ZPBP: variants seen among roughly 807,000 people sequenced by gnomAD.
ZPBP encodes zona pellucida-binding protein 1.
In ZPBP, 26 loss-of-function variants were observed where a neutral mutation model predicts 44.8. The observed-to-expected ratio is 0.58, with a 90% confidence interval of 0.43 to 0.81. ZPBP has a LOEUF of 0.81. Ranked by LOEUF, ZPBP falls within the 30% of genes least tolerant of loss-of-function variation. The pLI, the probability that ZPBP is intolerant of heterozygous loss-of-function variation, is 0.00. For synonymous variants in ZPBP, 174 were observed against 153.2 expected, an observed-to-expected ratio of 1.14 and a Z score of -1.00; for missense variants, 409 against 434.0, an observed-to-expected ratio of 0.94 and a Z score of 0.51.
At chr7:50,022,698 A>G (rs1304160751) in intron 5 of ZPBP, among the ~76,000 whole-genome samples, 1 of 152,044 alleles carries the variant, frequency 6.6e-6, no homozygotes, top group African/African-American at 2.4e-5. Context: ...AAAATCCGCA[A>G]CTTTTCTTAG....
At chr7:50,033,610 T>C (rs1799696122) in intron 4 of ZPBP, among the ~76,000 whole-genome samples, 1 of 152,172 alleles carries the variant, frequency 6.6e-6, no homozygotes, top group Non-Finnish European at 1.5e-5. Context: ...GTCTTTTCCT[T>C]ATGACAAGTT....
At chr7:49,991,963 G>A (rs1412271718) in intron 6 of ZPBP, among the ~76,000 whole-genome samples, 1 of 151,788 alleles carries the variant, frequency 6.6e-6, no homozygotes, top group Non-Finnish European at 1.5e-5. Flanking sequence ...AAGGAAGGGA[G>A]AGAAAGAAGG....
chr7:50,076,574 A>T (rs562557303), intron 3 of ZPBP, among the ~76,000 whole-genome samples: 5 of 151,866 alleles, frequency 3.3e-5, no homozygotes, highest in Non-Finnish European at 7.4e-5. Context: ...CAGGATCAAC[A>T]TACAAAAATC....
intron 2 of ZPBP, among the ~76,000 whole-genome samples, chr7:49,864,171 T>C (rs1300637661): frequency 6.6e-6 from 1 of 152,200 alleles, no homozygotes; most frequent in Non-Finnish European, 1.5e-5. Flanking sequence ...TTGGTGTCAC[T>C]GAAGTCTGTT....
At chr7:49,910,284 A>G (rs1793338982) in intron 1 of ZPBP, among the ~76,000 whole-genome samples, 2 of 152,200 alleles carry the variant, frequency 1.3e-5, no homozygotes, top group South Asian at 2.1e-4. Flanking sequence ...AATTATTCAA[A>G]GGCCAGTTGT....
Position 49,911,480 on chromosome 7 carries a change from CAA to C in ZPBP, n.412-10267_412-10266del, listed in dbSNP as rs34782644. On this transcript the variant is annotated intron_variant and non_coding_transcript_variant, in intron 1 of 2. Coordinates refer to the ZPBP transcript ENST00000465922. ...CTGGTGACAGAGCAAGACTCTGTCT[CAA>C]AAAAAAAAAAAAAAAAAAAAATTAA... 6.7e-4 allele frequency among the ~76,000 whole-genome samples: 48 copies of C among 71,610 alleles called. 1 individual carries two copies. In the South Asian group the frequency reaches 0.012, roughly 18 times the overall value. 47.0% of individuals were successfully genotyped at this position (71,610 alleles called of 152,430 possible).
intron 7 of ZPBP, among the ~76,000 whole-genome samples, chr7:49,962,098 C>T (rs1355351453): frequency 6.6e-6 from 1 of 151,778 alleles, no homozygotes; most frequent in African/African-American, 2.4e-5. Flanking sequence ...TTAAATTTTA[C>T]ATAAACCATT....
At chr7:49,944,755 T>C (rs1795030314) in intron 7 of ZPBP, among the ~76,000 whole-genome samples, 1 of 152,162 alleles carries the variant, frequency 6.6e-6, no homozygotes, top group African/African-American at 2.4e-5. Context: ...TTATTTTATC[T>C]TCTTTTTTTC....
chr7:49,977,787 G>A (rs1480561400), intron 7 of ZPBP, among the ~76,000 whole-genome samples: 1 of 152,154 alleles, frequency 6.6e-6, no homozygotes, highest in African/African-American at 2.4e-5. Context: ...GCATCCTATC[G>A]AGGTAGTGCC....
intron 2 of ZPBP, among the ~76,000 whole-genome samples, chr7:49,877,481 A>AT (rs1554338250): frequency 2.4e-4 from 3 of 12,726 alleles, no homozygotes; most frequent in Non-Finnish European, 4.3e-4. Flanking sequence ...AAAAAAAAAA[A>AT]ATATATATAT....
intron 3 of ZPBP, among the ~76,000 whole-genome samples, chr7:50,079,771 G>GATGATATTTGTGTACATCACAC (rs1195434918): frequency 6.6e-6 from 1 of 151,652 alleles, no homozygotes; most frequent in Non-Finnish European, 1.5e-5. Flanking sequence ...CTTGATGTAG[G>GATGATATTTGTGTACATCACAC]AAAGCTGAAC....
At chr7:49,909,544 G>A (rs1253878715) in intron 1 of ZPBP, among the ~76,000 whole-genome samples, 1 of 152,126 alleles carries the variant, frequency 6.6e-6, no homozygotes, top group Middle Eastern at 3.2e-3. Flanking sequence ...GGGCCACTGG[G>A]TGGGGAGGGG....
At chr7:50,074,602 A>C (rs946866457) in intron 3 of ZPBP, among the ~76,000 whole-genome samples, 3 of 152,116 alleles carry the variant, frequency 2.0e-5, no homozygotes, top group Middle Eastern at 3.4e-3. Flanking sequence ...GGAGAGCAAA[A>C]AAGAGTGGCA....
intron 4 of ZPBP, among the ~76,000 whole-genome samples, chr7:50,052,445 T>C (rs1222122062): frequency 6.6e-6 from 1 of 152,188 alleles, no homozygotes; most frequent in Non-Finnish European, 1.5e-5. Flanking sequence ...AAGATAATTA[T>C]AACACCAATT....
In ZPBP at chr7:50,061,901, C is replaced by T. The variant is rs187866120; in HGVS notation, c.335-3760G>A. ...AGAGTGAGATTCCATCTCAAAAAAG[C>T]GAAGCAAACTAACAAACAAAAAAAC... On this transcript the variant is annotated intron_variant, in intron 3 of 7. Transcript: ENST00000046087. Among the ~76,000 whole-genome samples, 200 of 152,170 alleles carry T rather than the reference C, an allele frequency of 1.3e-3. 2 individuals carry two copies. Among genetic ancestry groups the T allele is most frequent in the Non-Finnish European group, 3.5e-4 (24 of 67,996 alleles).
At chr7:50,031,966 C>G (rs549300197) in intron 4 of ZPBP, among the ~76,000 whole-genome samples, 2 of 152,138 alleles carry the variant, frequency 1.3e-5, no homozygotes, top group Non-Finnish European at 2.9e-5. Context: ...ACAGGGCGCT[C>G]TGTTGCTACT....
chr7:50,076,880 A>G (rs1302362696), intron 3 of ZPBP, among the ~76,000 whole-genome samples: 2 of 150,554 alleles, frequency 1.3e-5, no homozygotes, highest in African/African-American at 4.9e-5. Flanking sequence ...CATTCTTCAC[A>G]GAAATAGAAA....
At chr7:50,011,275 T>A (rs1798567548) in intron 6 of ZPBP, among the ~76,000 whole-genome samples, 1 of 152,100 alleles carries the variant, frequency 6.6e-6, no homozygotes, top group African/African-American at 2.4e-5. Context: ...AAGATAACAC[T>A]GGAAAACTCT....
intron 2 of ZPBP, among the ~76,000 whole-genome samples, chr7:49,886,011 G>A (rs765481373): frequency 1.3e-5 from 2 of 152,216 alleles, no homozygotes; most frequent in Non-Finnish European, 2.9e-5. Context: ...TTTTGAAATC[G>A]CTGTTGGACA....
Sources: allele counts gnomAD v4.1 joint callset (sites outside exome capture counted in the v4.1 genomes callset), GRCh38; gene constraint gnomAD v4.1.1; transcripts MANE v1.5; gene names NCBI Gene and HGNC (gene_info 2026-07-23, HGNC 2026-07-21).